Variants in XRCC2 observed in about 807,000 individuals in gnomAD.
XRCC2 encodes the protein DNA repair protein XRCC2.
In XRCC2, 24 loss-of-function variants were observed where a neutral mutation model predicts 27.3. The observed-to-expected ratio is 0.88, with a 90% CI of 0.64 to 1.24. XRCC2 has a LOEUF of 1.24. Ranked by LOEUF, XRCC2 falls within the 50% of genes most tolerant of loss-of-function variation. XRCC2 has a pLI of 0.00. For synonymous variants in XRCC2, 106 were observed against 115.4 expected (o/e 0.92, Z 0.52); for missense variants, 321 against 325.8 (o/e 0.99, Z 0.11).
At chr7:152,674,258 T>C (rs954731351) in intron 1 of XRCC2, among the ~76,000 whole-genome samples, 4 of 152,170 alleles carry the variant, frequency 2.6e-5, no homozygotes, top group African/African-American at 9.7e-5. Context: ...ATTTTTTGGA[T>C]ACAAGGCTTG....
chr7:152,658,561 T>C (rs574469850), intron 2 of XRCC2, among the ~76,000 whole-genome samples: 50 of 152,338 alleles, frequency 3.3e-4, no homozygotes, highest in Middle Eastern at 3.4e-3. Flanking sequence ...AAAACTCCCA[T>C]TTTGCACCCA....
intron 1 of XRCC2, among the ~76,000 whole-genome samples, chr7:152,663,607 G>T (rs1315831219): frequency 6.6e-6 from 1 of 152,174 alleles, no homozygotes; most frequent in Non-Finnish European, 1.5e-5. Flanking sequence ...GGGAGGACAA[G>T]GCAGGAGGCT....
intron 2 of XRCC2, among the ~76,000 whole-genome samples, chr7:152,650,156 A>G (rs3218529): frequency 6.6e-6 from 1 of 152,222 alleles, no homozygotes; most frequent in Non-Finnish European, 1.5e-5. Context: ...TATGGGGGGA[A>G]CAATTCTGGA....
At chr7:152,658,381 A>G (rs891461085) in intron 2 of XRCC2, among the ~76,000 whole-genome samples, 7 of 151,996 alleles carry the variant, frequency 4.6e-5, no homozygotes, top group African/African-American at 1.7e-4. Flanking sequence ...CCAACTCCAG[A>G]CCTCAGGTGA....
chr7:152,650,258 G>A lies in XRCC2; in HGVS notation c.122-895C>T, dbSNP rs150233166. Among the ~76,000 whole-genome samples, 6 of 152,292 alleles carry A rather than the reference G, an allele frequency of 3.9e-5. No homozygotes were observed. The East Asian group carries it at 9.6e-4, about 24-fold the overall frequency. The stretch of plus-strand genomic sequence containing the variant: ...CCTTCAACTGAAAACAACCTTACAC[G>A]TTCCCAAACTGCCTTCAGTTATTCT... On this transcript the variant is annotated intron_variant, in intron 2 of 2. Coordinates refer to ENST00000359321, the MANE Select transcript of XRCC2 (RefSeq NM_005431.2).
In XRCC2 at chr7:152,648,596, T is replaced by G. The variant is rs763320779; in HGVS notation, c.*46A>C. The stretch of plus-strand genomic sequence containing the variant: ...GCAAGACTCTGTCTTAAGAAAAATT[T>G]TAAGGCTTGCGTAGTACCCTGCAAA... On this transcript the variant is annotated 3_prime_UTR_variant, in exon 3 of 3. Coordinates refer to ENST00000359321, the MANE Select transcript of XRCC2 (RefSeq NM_005431.2). 6.6e-7 allele frequency: 1 copy of G among 1,516,998 alleles called. No homozygotes were observed. Among genetic ancestry groups the G allele is most frequent in the East Asian group, 2.3e-5 (1 of 44,280 alleles). 94.0% of individuals were successfully genotyped at this position (1,516,998 alleles called of 1,614,324 possible).
At chr7:152,654,934 A>G (rs928051114) in intron 2 of XRCC2, among the ~76,000 whole-genome samples, 1 of 152,230 alleles carries the variant, frequency 6.6e-6, no homozygotes, top group Admixed American at 6.5e-5. Context: ...TGATTTTATA[A>G]ACATTTACTG....
Position 152,645,217 on chromosome 7 carries a change from T to G in XRCC2, c.*3425A>C, listed in dbSNP as rs2098025250. On this transcript the variant is annotated 3_prime_UTR_variant, in exon 3 of 3. Coordinates refer to ENST00000359321, the MANE Select transcript of XRCC2 (RefSeq NM_005431.2). Reference sequence around the variant, plus strand: ...TTTATTAGATTTATTTCTAGAAACTTTATATTTTTAGTTATGATTAAATAT... The same window carrying G: ...TTTATTAGATTTATTTCTAGAAACTGTATATTTTTAGTTATGATTAAATAT... 6.6e-6 allele frequency: 1 copy of G among 151,726 alleles called. No homozygotes were observed. Among genetic ancestry groups the G allele is most frequent in the Non-Finnish European group, 1.5e-5 (1 of 67,966 alleles). The allele number at this position is 151,726 out of a possible 1,614,324, so 9.4% of individuals were successfully genotyped here. A position where few individuals can be genotyped will look rare whatever the true frequency, so the allele number is the denominator to read the frequency against.
At chr7:152,666,987 A>G (rs2098036040) in intron 1 of XRCC2, among the ~76,000 whole-genome samples, 1 of 152,232 alleles carries the variant, frequency 6.6e-6, no homozygotes, top group Non-Finnish European at 1.5e-5. Flanking sequence ...AAAGGCATGT[A>G]TACGAATGAA....
At chr7:152,667,114 A>G (rs2098036090) in intron 1 of XRCC2, among the ~76,000 whole-genome samples, 2 of 152,052 alleles carry the variant, frequency 1.3e-5, no homozygotes, top group Admixed American at 6.6e-5. Context: ...AGTACTCAAG[A>G]AAGTATTATA....
intron 1 of XRCC2, among the ~76,000 whole-genome samples, chr7:152,661,091 G>C (rs2098032897): frequency 6.6e-6 from 1 of 152,186 alleles, no homozygotes; most frequent in Non-Finnish European, 1.5e-5. Context: ...TTGAGTCAAA[G>C]AGGCAGAGGT....
intron 1 of XRCC2, among the ~76,000 whole-genome samples, chr7:152,666,762 C>T (rs1051634197): frequency 1.3e-5 from 2 of 151,482 alleles, no homozygotes; most frequent in Non-Finnish European, 2.9e-5. Flanking sequence ...GAATTACAGG[C>T]GTGTGCCACC....
In XRCC2 at chr7:152,649,095, A is replaced by C. The variant is rs752735963; in HGVS notation, c.390T>G (p.Leu130=). The C allele has an allele frequency of 1.1e-5, 17 of 1,614,178 alleles. No individual in the cohort carries two copies. The highest frequency in any genetic ancestry group is 1.4e-5 in the Non-Finnish European group (16 of 1,180,030). Residue 130 remains leucine (L), a synonymous_variant, in exon 3 of 3, where the codon CTT becomes CTG. Coordinates refer to ENST00000359321, the MANE Select transcript of XRCC2 (RefSeq NM_005431.2). ...CSSSTHLLLT[L]YSLESMFCSH... ...TACAAAACATACTTTCTAGTGAGTA[A>C]AGTGTAAGAAGTAAGTGGGTGCTAC...
intron 1 of XRCC2, among the ~76,000 whole-genome samples, chr7:152,669,783 C>T (rs1222846938): frequency 6.6e-6 from 1 of 151,654 alleles, no homozygotes; most frequent in Non-Finnish European, 1.5e-5. Context: ...ATGTAGCCAA[C>T]ACAGTTGCTG....
intron 1 of XRCC2, among the ~76,000 whole-genome samples, chr7:152,665,098 AAGG>A (rs1406112352): frequency 6.6e-6 from 1 of 152,066 alleles, no homozygotes; most frequent in African/African-American, 2.4e-5. Context: ...CAGCCCATCC[AAGG>A]AGAAGGATGA....
rs372379730 is a variant in XRCC2, at chr7:152,644,909, G to A, written c.*3733C>T. 9.2e-4 allele frequency: 140 copies of A among 152,284 alleles called. 1 individual carries two copies. Among genetic ancestry groups the A allele is most frequent in the African/African-American group, 3.2e-3 (133 of 41,554 alleles). 9.4% of individuals were successfully genotyped at this position (152,284 alleles called of 1,614,324 possible). A position where few individuals can be genotyped will look rare whatever the true frequency, so the allele number is the denominator to read the frequency against. On this transcript the variant is annotated 3_prime_UTR_variant, in exon 3 of 3. Transcript: ENST00000359321. Reference sequence around the variant, plus strand: ...TTAACATCGTTCTCAACAGTTAGCCGAAGATTCATTCGATGAGTCCGATTT... The same window carrying A: ...TTAACATCGTTCTCAACAGTTAGCCAAAGATTCATTCGATGAGTCCGATTT...
At chr7:152,650,864 C>T (rs375910261) in intron 2 of XRCC2, among the ~76,000 whole-genome samples, 5 of 152,088 alleles carry the variant, frequency 3.3e-5, no homozygotes, top group African/African-American at 2.4e-5. Context: ...CCAGCCTGGG[C>T]GACAAGAGCG....
At chr7:152,661,941 G>GA (rs776233026) in intron 1 of XRCC2, among the ~76,000 whole-genome samples, 2 of 152,144 alleles carry the variant, frequency 1.3e-5, no homozygotes, top group African/African-American at 4.8e-5. Flanking sequence ...TTAAATATGT[G>GA]AAAAGAGTAC....
chr7:152,648,638 T>C lies in XRCC2; in HGVS notation c.*4A>G, dbSNP rs753585724. On this transcript the variant is annotated 3_prime_UTR_variant, in exon 3 of 3. Transcript: ENST00000359321. ...CCCTGCAAAAGACTATTTTATGATG[T>C]ATATCAACAAAATTCAACCCCACTT... 1 of 1,588,456 alleles carries C rather than the reference T, an allele frequency of 6.3e-7. No individual in the cohort carries two copies. The highest frequency in any genetic ancestry group is 8.5e-7 in the Non-Finnish European group (1 of 1,170,172).
Sources: gnomAD v4.1 joint callset for allele counts (sites outside exome capture counted in the v4.1 genomes callset) on GRCh38, gnomAD v4.1.1 for gene constraint, MANE v1.5 for transcripts, NCBI Gene and HGNC (gene_info 2026-07-23, HGNC 2026-07-21) for gene names.